LRRC25: variants seen among roughly 807,000 people sequenced by gnomAD.
LRRC25 encodes leucine rich repeat containing 25.
In LRRC25, 5 loss-of-function variants were observed where a neutral mutation model predicts 18.8. The ratio of observed to expected loss-of-function variants is 0.27; its 90% CI spans 0.14 to 0.56. The LOEUF (loss-of-function observed/expected upper bound fraction) is 0.56, where lower values mean the gene tolerates loss of function less well. LRRC25 is among the 20% of genes least tolerant of loss of function. The probability of loss-of-function intolerance (pLI) is 0.93; values close to 1 mark genes in which losing one functional copy is unlikely to be tolerated. For missense variants in LRRC25, 341 were observed against 389.8 expected, an observed-to-expected ratio of 0.87 and a Z score of 1.05; for synonymous variants, 161 against 176.8, an observed-to-expected ratio of 0.91 and a Z score of 0.71.
chr19:18,391,859 C>G lies in LRRC25; in HGVS notation c.*128G>C. The G allele has an allele frequency of 1.6e-6, 2 of 1,213,882 alleles. No homozygotes were observed. The highest frequency in any genetic ancestry group is 2.3e-6 in the Non-Finnish European group (2 of 875,312). 75.2% of individuals were successfully genotyped at this position (1,213,882 alleles called of 1,614,324 possible). A position where few individuals can be genotyped will look rare whatever the true frequency, so the allele number is the denominator to read the frequency against. On this transcript the variant is annotated 3_prime_UTR_variant, in exon 2 of 2. Transcript: ENST00000339007. ...AGGGGGCGGCAGAGCTTCCTGGGGC[C>G]TCAAGGACAATCCTTTCCTGTACCC...
rs999252415 is a variant in LRRC25 at position 18,397,222 on chromosome 19, C to G, written c.-259G>C. On this transcript the variant is annotated 5_prime_UTR_variant, in exon 1 of 2. Coordinates refer to ENST00000339007, the MANE Select transcript of LRRC25 (RefSeq NM_145256.3). ...GGAGATCCGGGCCAGTTAACCCCTTCTTCTATGTCCTGAACATTTGGGGCG... is the reference window on the plus strand; with the variant it reads ...GGAGATCCGGGCCAGTTAACCCCTTGTTCTATGTCCTGAACATTTGGGGCG... 2 of 541,034 alleles carry G rather than the reference C, an allele frequency of 3.7e-6. No individual in the cohort carries two copies. Among genetic ancestry groups the G allele is most frequent in the Non-Finnish European group, 6.6e-6 (2 of 301,928 alleles). 33.5% of individuals were successfully genotyped at this position (541,034 alleles called of 1,614,324 possible).
Position 18,392,084 on chromosome 19 carries a change from T to A in LRRC25, c.821A>T (p.Lys274Met). The change falls in exon 2 of 2, where the codon AAG becomes ATG. Residue 274 changes from lysine (K) to methionine (M), a missense_variant. Lys to Met is a moderately conservative substitution (Grantham distance 95). Transcript: ENST00000339007. Reference sequence around the variant, plus strand: ...AGGCTGGGAAGCCAGGTCGATGTCCTTGTAGTTGATGTAAAAGTCATTGTC... The same window carrying A: ...AGGCTGGGAAGCCAGGTCGATGTCCATGTAGTTGATGTAAAAGTCATTGTC... Reference protein sequence around the residue: ...SEDNDFYINYKDIDLASQPVY... With the variant: ...SEDNDFYINYMDIDLASQPVY... 6.2e-7 allele frequency: 1 copy of A among 1,614,078 alleles called. No homozygotes were observed. Among genetic ancestry groups the A allele is most frequent in the Non-Finnish European group, 8.5e-7 (1 of 1,179,980 alleles).
At chr19:18,395,465 C>T (rs933899213) in intron 1 of LRRC25, among the ~76,000 whole-genome samples, 1 of 151,882 alleles carries the variant, frequency 6.6e-6, no homozygotes, top group African/African-American at 2.4e-5. Context: ...GGGGGGCTGT[C>T]CCCACTCTAT....
chr19:18,395,333 T>C (rs1023849345), intron 1 of LRRC25, among the ~76,000 whole-genome samples: 15 of 144,460 alleles, frequency 1.0e-4, no homozygotes, highest in Admixed American at 4.3e-4. Context: ...ATCGTGTCAC[T>C]ACACTCTAGC....
intron 1 of LRRC25, among the ~76,000 whole-genome samples, chr19:18,393,358 C>T (rs1326263874): frequency 1.3e-5 from 2 of 152,218 alleles, no homozygotes; most frequent in Non-Finnish European, 1.5e-5. Flanking sequence ...TGCGGTGGCT[C>T]ACGCCTATAA....
Position 18,397,210 on chromosome 19 carries a change from AG to A in LRRC25, c.-248del. On this transcript the variant is annotated 5_prime_UTR_variant, in exon 1 of 2. In the 5' UTR this introduces an upstream ATG that the reference lacks. Transcript: ENST00000339007. ...GGAAGGCGAGGAGGAGATCCGGGCCAGTTAACCCCTTCTTCTATGTCCTGAA... is the reference window on the plus strand; with the variant it reads ...GGAAGGCGAGGAGGAGATCCGGGCCATTAACCCCTTCTTCTATGTCCTGAA... 1.8e-6 allele frequency: 1 copy of A among 566,310 alleles called. No homozygotes were observed. Among genetic ancestry groups the A allele is most frequent in the South Asian group, 2.3e-5 (1 of 44,206 alleles). 35.1% of individuals were successfully genotyped at this position (566,310 alleles called of 1,614,324 possible). A position where few individuals can be genotyped will look rare whatever the true frequency, so the allele number is the denominator to read the frequency against.
rs1178511787 is a variant in LRRC25 at position 18,396,316 on chromosome 19, G to A, written c.648C>T (p.Gly216=). The A allele has an allele frequency of 6.8e-6, 11 of 1,613,812 alleles. No individual in the cohort carries two copies. The highest frequency in any genetic ancestry group is 9.3e-6 in the Non-Finnish European group (11 of 1,180,018). The change falls in exon 1 of 2, where the codon GGC becomes GGT. Residue 216 remains glycine, a synonymous_variant. Coordinates refer to ENST00000339007, the MANE Select transcript of LRRC25 (RefSeq NM_145256.3). Reference sequence around the variant, plus strand: ...TCCGGCTGCCGTACCGTGGCTGCAAGCCTAAACCGGGCTTGGGCCCATCCT... The same window carrying A: ...TCCGGCTGCCGTACCGTGGCTGCAAACCTAAACCGGGCTTGGGCCCATCCT... The part of the protein sequence containing the change: ...AAQDGPKPGL[G]LQPRYGSRSA...
At chr19:18,394,915 T>C (rs1971948582) in intron 1 of LRRC25, among the ~76,000 whole-genome samples, 1 of 151,880 alleles carries the variant, frequency 6.6e-6, no homozygotes, top group South Asian at 2.1e-4. Context: ...CCCGTCTCTA[T>C]GAAAAATACA....
At position 18,396,492 on chromosome 19, in the gene LRRC25, C is replaced by A. The variant is rs541540034; in HGVS notation, c.472G>T (p.Ala158Ser). The A allele has an allele frequency of 3.6e-5, 58 of 1,613,356 alleles. No individual in the cohort carries two copies. In the East Asian group the frequency reaches 1.3e-3, roughly 36 times the overall value. The change falls in exon 1 of 2, where the codon GCC becomes TCC. Residue 158 changes from alanine to serine, a missense_variant. Coordinates refer to ENST00000339007, the MANE Select transcript of LRRC25 (RefSeq NM_145256.3). ...ATAGTTGCAGAGGCCAGGCCAGGGG[C>A]GCAGCTGACCTCCAGGAAGGCAGAG... ...NLSAFLEVSC[A>S]PGLASATIGA...
rs774672553 is a variant in LRRC25, at chr19:18,396,447, C to T, written c.517G>A (p.Gly173Arg). 2 of 1,613,354 alleles carry T rather than the reference C, an allele frequency of 1.2e-6. No individual in the cohort carries two copies. The highest frequency in any genetic ancestry group is 2.7e-5 in the African/African-American group (2 of 74,952). Residue 173 changes from glycine (G) to arginine (R), a missense_variant, in exon 1 of 2, where the codon GGG becomes AGG. Gly to Arg is a moderately radical substitution (Grantham distance 125, BLOSUM62 -2). Coordinates refer to ENST00000339007, the MANE Select transcript of LRRC25 (RefSeq NM_145256.3). Reference protein sequence around the residue: ...SATIGAVVVSGCLLLGLAIAG... With the variant: ...SATIGAVVVSRCLLLGLAIAG... ...ATGGCAAGTCCAAGAAGCAGGCACCCGCTGACCACCACTGCCCCGATAGTT... is the reference window on the plus strand; with the variant it reads ...ATGGCAAGTCCAAGAAGCAGGCACCTGCTGACCACCACTGCCCCGATAGTT...
chr19:18,392,144 CA>C lies in LRRC25; in HGVS notation c.780-20del, dbSNP rs144390532. Reference sequence around the variant, plus strand: ...GTGAGCCCTGGGGGGACAGACAGACCAGGGGTAAGTGTGGGAGGGGGAGGAC... The same window carrying C: ...GTGAGCCCTGGGGGGACAGACAGACCGGGGTAAGTGTGGGAGGGGGAGGAC... On this transcript the variant is annotated intron_variant, in intron 1 of 1. Transcript: ENST00000339007. 0.027 allele frequency: 43,042 copies of C among 1,611,374 alleles called. 739 individuals are homozygous for C. The highest frequency in any genetic ancestry group is 0.051 in the South Asian group (4,639 of 90,988).
At chr19:18,393,896 G>A (rs1041019138) in intron 1 of LRRC25, among the ~76,000 whole-genome samples, 18 of 152,188 alleles carry the variant, frequency 1.2e-4, no homozygotes, top group Non-Finnish European at 1.5e-4. Flanking sequence ...AGGCTGATCC[G>A]GAAGCCTCGG....
chr19:18,392,365 G>A (rs533230500), intron 1 of LRRC25, among the ~76,000 whole-genome samples: 65 of 152,186 alleles, frequency 4.3e-4, no homozygotes, highest in African/African-American at 1.4e-3. Context: ...GGTGGCACAG[G>A]CCTGTAGTCC....
chr19:18,397,215 A>C lies in LRRC25; in HGVS notation c.-252T>G. 1 of 552,658 alleles carries C rather than the reference A, an allele frequency of 1.8e-6. No individual in the cohort carries two copies. Among genetic ancestry groups the C allele is most frequent in the Non-Finnish European group, 3.2e-6 (1 of 309,090 alleles). The allele number at this position is 552,658 out of a possible 1,614,324, so 34.2% of individuals were successfully genotyped here. A position where few individuals can be genotyped will look rare whatever the true frequency, so the allele number is the denominator to read the frequency against. ...GCGAGGAGGAGATCCGGGCCAGTTA[A>C]CCCCTTCTTCTATGTCCTGAACATT... On this transcript the variant is annotated 5_prime_UTR_variant, in exon 1 of 2. Transcript: ENST00000339007.
chr19:18,397,456 T>C lies in LRRC25; in HGVS notation c.-493A>G. 6.3e-6 allele frequency: 1 copy of C among 157,736 alleles called. No individual in the cohort carries two copies. The highest frequency in any genetic ancestry group is 6.1e-5 in the Admixed American group (1 of 16,392). The allele number at this position is 157,736 out of a possible 1,614,324, so 9.8% of individuals were successfully genotyped here. A position where few individuals can be genotyped will look rare whatever the true frequency, so the allele number is the denominator to read the frequency against. On this transcript the variant is annotated 5_prime_UTR_variant, in exon 1 of 2. Coordinates refer to ENST00000339007, the MANE Select transcript of LRRC25 (RefSeq NM_145256.3). ...AGTTCTAGAGCCTCAGTCCTACCTT[T>C]TGGGTCCCACTGCCACGCTTTTGCC... is the stretch of plus-strand genomic sequence containing the variant.
chr19:18,392,325 C>G (rs1437361574), intron 1 of LRRC25, among the ~76,000 whole-genome samples, 200 bp from the exon 2 acceptor site: 2 of 151,686 alleles, frequency 1.3e-5, no homozygotes. Context: ...AACCTCGTCT[C>G]TACTAAAAAT....
Position 18,391,949 on chromosome 19 carries a change from C to A in LRRC25, c.*38G>T. The A allele has an allele frequency of 1.2e-6, 2 of 1,601,328 alleles. No individual in the cohort carries two copies. The highest frequency in any genetic ancestry group is 1.7e-6 in the Non-Finnish European group (2 of 1,171,482). ...GACGCCCTGAGTCACCCAGCAGGGA[C>A]TGAAGGGGTTCTGGGTGGAGGTTAG... On this transcript the variant is annotated 3_prime_UTR_variant, in exon 2 of 2. Coordinates refer to ENST00000339007, the MANE Select transcript of LRRC25 (RefSeq NM_145256.3).
chr19:18,396,997 G>A lies in LRRC25; in HGVS notation c.-34C>T, dbSNP rs765945773. On this transcript the variant is annotated 5_prime_UTR_variant, in exon 1 of 2. Coordinates refer to ENST00000339007, the MANE Select transcript of LRRC25 (RefSeq NM_145256.3). ...CCTACGTAGAGACACCGGAATCCTAGCCCTGACCTCAGCCCTGTGGTCGCC... is the reference window on the plus strand; with the variant it reads ...CCTACGTAGAGACACCGGAATCCTAACCCTGACCTCAGCCCTGTGGTCGCC... The A allele has an allele frequency of 1.9e-6, 3 of 1,575,146 alleles. No individual in the cohort carries two copies. The highest frequency in any genetic ancestry group is 2.3e-5 in the South Asian group (2 of 87,878).
Position 18,391,621 on chromosome 19 carries a change from G to C in LRRC25, c.*366C>G, listed in dbSNP as rs1183170185. On this transcript the variant is annotated 3_prime_UTR_variant, in exon 2 of 2. Coordinates refer to ENST00000339007, the MANE Select transcript of LRRC25 (RefSeq NM_145256.3). ...ATTTGGGAGTCTCAGATGGAGACTT[G>C]GTCTTAGAACTCAGAAATCCCCACC... 1.1e-5 allele frequency: 2 copies of C among 178,556 alleles called. No homozygotes were observed. The highest frequency in any genetic ancestry group is 2.4e-5 in the Non-Finnish European group (2 of 82,636). 11.1% of individuals were successfully genotyped at this position (178,556 alleles called of 1,614,324 possible).
Sources: allele counts gnomAD v4.1 joint callset (sites outside exome capture counted in the v4.1 genomes callset), GRCh38; gene constraint gnomAD v4.1.1; transcripts MANE v1.5; gene names NCBI Gene and HGNC (gene_info 2026-07-23, HGNC 2026-07-21).